ATP2B2: variants seen among roughly 807,000 people sequenced by gnomAD.
ATP2B2 encodes plasma membrane calcium-transporting ATPase 2.
In ATP2B2, 15 loss-of-function variants were observed where a neutral mutation model predicts 120.0. That is an observed-to-expected ratio of 0.12 (90% CI 0.08 to 0.19). ATP2B2 has a LOEUF of 0.19. ATP2B2 is among the 10% of genes least tolerant of loss of function. The pLI is 1.00. For synonymous variants in ATP2B2, 694 were observed against 700.3 expected (o/e 0.99, Z 0.14); for missense variants, 1,045 against 1,719.8 (o/e 0.61, Z 6.94).
intron 2 of ATP2B2, among the ~76,000 whole-genome samples, chr3:10,593,490 CT>C (rs2068692122): frequency 6.6e-6 from 1 of 152,164 alleles, no homozygotes; most frequent in Non-Finnish European, 1.5e-5. Context: ...ACAAATGGTG[CT>C]GGGAAAACTG....
intron 22 of ATP2B2, 28 bp downstream of exon 22, chr3:10,338,148 G>A (rs1434511295): frequency 1.2e-6 from 2 of 1,613,140 alleles, no homozygotes; most frequent in South Asian, 2.2e-5. Context: ...GGCCAGGCCT[G>A]GGCCCAGCCC....
Position 10,400,943 on chromosome 3 carries a change from T to G in ATP2B2, c.781+10A>C, listed in dbSNP as rs2062199419. The G allele has an allele frequency of 1.9e-6, 3 of 1,613,832 alleles. No homozygotes were observed. The highest frequency in any genetic ancestry group is 2.5e-6 in the Non-Finnish European group (3 of 1,179,890). The stretch of plus-strand genomic sequence containing the variant: ...GACGGGAATGGGCCCAACATCAGGC[T>G]GAAGCTCACCTGACAGCAGCATGGG... On this transcript the variant is annotated intron_variant, in intron 5 of 22. Transcript: ENST00000360273.
intron 2 of ATP2B2, among the ~76,000 whole-genome samples, chr3:10,602,627 A>G (rs372573133): frequency 3.3e-5 from 5 of 152,356 alleles, no homozygotes; most frequent in African/African-American, 1.2e-4. Flanking sequence ...ATGACAAGCG[A>G]TATTATAAAC....
intron 12 of ATP2B2, among the ~76,000 whole-genome samples, chr3:10,366,260 G>A (rs1199339320): frequency 2.6e-5 from 4 of 152,026 alleles, no homozygotes; most frequent in Non-Finnish European, 5.9e-5. Flanking sequence ...CTTTCTCCTC[G>A]GCCCTCCCTA....
rs1351399032 is a variant in ATP2B2, at chr3:10,499,948, T to G, written c.-320+5517A>C. Among the ~76,000 whole-genome samples, 6 of 148,598 alleles carry G rather than the reference T, an allele frequency of 4.0e-5. No homozygotes were observed. In the East Asian group the frequency reaches 1.2e-3, roughly 29 times the overall value. ...GGCACATTCTTTTTTTTTTTTTTTT[T>G]TTTTTGAGATAGAGTCTCACTCTGT... is the stretch of plus-strand genomic sequence containing the variant. On this transcript the variant is annotated intron_variant, in intron 1 of 22. Transcript: ENST00000360273.
chr3:10,702,475 C>T (rs1339795360), intron 1 of ATP2B2, among the ~76,000 whole-genome samples: 3 of 152,184 alleles, frequency 2.0e-5, no homozygotes, highest in African/African-American at 7.2e-5. Context: ...GCTGAAGCCA[C>T]TTACCCAAGA....
intron 2 of ATP2B2, among the ~76,000 whole-genome samples, chr3:10,573,997 C>G (rs2068187862): frequency 6.6e-6 from 1 of 152,152 alleles, no homozygotes; most frequent in Non-Finnish European, 1.5e-5. Flanking sequence ...ATTATAAATC[C>G]TATTGACACG....
At chr3:10,499,385 T>C (rs1478864391) in intron 1 of ATP2B2, among the ~76,000 whole-genome samples, 1 of 152,288 alleles carries the variant, frequency 6.6e-6, no homozygotes, top group African/African-American at 2.4e-5. Context: ...AGGAGCAAAC[T>C]GAGGCGAAGT....
At chr3:10,672,039 G>A (rs186742261) in intron 1 of ATP2B2, among the ~76,000 whole-genome samples, 16 of 152,238 alleles carry the variant, frequency 1.1e-4, no homozygotes, top group Non-Finnish European at 2.1e-4. Flanking sequence ...AGAGAGCCTC[G>A]GGGCAAAAGC....
intron 1 of ATP2B2, among the ~76,000 whole-genome samples, chr3:10,669,815 C>T (rs968997510): frequency 6.6e-6 from 1 of 152,180 alleles, no homozygotes; most frequent in African/African-American, 2.4e-5. Context: ...TACTCTGACC[C>T]TGAACACCTG....
At chr3:10,634,435 A>AACAACTTCTCC (rs1191681516) in intron 1 of ATP2B2, among the ~76,000 whole-genome samples, 1 of 152,166 alleles carries the variant, frequency 6.6e-6, no homozygotes, top group Non-Finnish European at 1.5e-5. Context: ...GGGTGGCCCA[A>AACAACTTCTCC]ACAACTTCTC....
rs1189624120 is a variant in ATP2B2 at position 10,347,425 on chromosome 3, T to G, written c.2405-1288A>C. On this transcript the variant is annotated intron_variant, in intron 16 of 22. Coordinates refer to ENST00000360273, the MANE Select transcript of ATP2B2 (RefSeq NM_001001331.4). This position sits in a 1 kb window ranked among gnomAD's most constrained non-coding sequence, Gnocchi z 5.2. ...GCTCCATCCTTGCGCATCTCTCTGCTCTGTGCCTAGCAGACGGCAGCAGCC... is the reference window on the plus strand; with the variant it reads ...GCTCCATCCTTGCGCATCTCTCTGCGCTGTGCCTAGCAGACGGCAGCAGCC... 6.6e-6 allele frequency among the ~76,000 whole-genome samples: 1 copy of G among 152,198 alleles called. No individual in the cohort carries two copies. The highest frequency in any genetic ancestry group is 1.5e-5 in the Non-Finnish European group (1 of 68,034).
At chr3:10,589,124 G>C (rs2068583338) in intron 2 of ATP2B2, among the ~76,000 whole-genome samples, 1 of 152,166 alleles carries the variant, frequency 6.6e-6, no homozygotes, top group African/African-American at 2.4e-5. Context: ...GATGGGTCAG[G>C]GTGGGCCTCC....
chr3:10,462,161 C>G (rs2064520527), intron 1 of ATP2B2, among the ~76,000 whole-genome samples: 1 of 152,220 alleles, frequency 6.6e-6, no homozygotes, highest in African/African-American at 2.4e-5. Context: ...CGGCCTTTCT[C>G]CCAAGCTCCA....
At chr3:10,579,393 C>T (rs1049994909) in intron 2 of ATP2B2, among the ~76,000 whole-genome samples, 6 of 152,198 alleles carry the variant, frequency 3.9e-5, no homozygotes, top group Non-Finnish European at 8.8e-5. Context: ...CTGAGAAGGG[C>T]CCAGTGCGGT....
intron 1 of ATP2B2, among the ~76,000 whole-genome samples, chr3:10,620,649 A>T: frequency 6.6e-6 from 1 of 151,976 alleles, no homozygotes; most frequent in East Asian, 1.9e-4. Flanking sequence ...GCTTGATGGG[A>T]GCTGTCACCT....
At chr3:10,353,584 C>A (rs1488008363) in intron 14 of ATP2B2, among the ~76,000 whole-genome samples, 1 of 152,112 alleles carries the variant, frequency 6.6e-6, no homozygotes, top group Non-Finnish European at 1.5e-5. Context: ...GGTTCTGGAC[C>A]AGGGATATGC....
At chr3:10,334,185 T>G (rs73127663) in intron 22 of ATP2B2, among the ~76,000 whole-genome samples, 2,827 of 152,252 alleles carry the variant, frequency 0.019, 82 homozygotes, top group African/African-American at 0.063. Context: ...GTGTGCTCCG[T>G]CGTGGCCAGG....
intron 1 of ATP2B2, among the ~76,000 whole-genome samples, chr3:10,683,776 A>ATATATG (rs2071447424): frequency 3.1e-5 from 3 of 98,052 alleles, no homozygotes; most frequent in Non-Finnish European, 5.8e-5. Context: ...ATATATATAT[A>ATATATG]TATATATATA....
Sources: allele counts gnomAD v4.1 joint callset (sites outside exome capture counted in the v4.1 genomes callset), GRCh38; gene constraint gnomAD v4.1.1; non-coding constraint Gnocchi (gnomAD v3.1); transcripts MANE v1.5; gene names NCBI Gene and HGNC (gene_info 2026-07-23, HGNC 2026-07-21).